Variants in CCDC148 observed in about 807,000 individuals in gnomAD.
CCDC148 encodes the protein coiled-coil domain-containing protein 148.
CCDC148 carries 89 observed loss-of-function variants against 85.7 expected under a neutral mutation model. The ratio of observed to expected loss-of-function variants is 1.04; its 90% CI spans 0.87 to 1.24. The LOEUF is 1.24. Ranked by LOEUF, CCDC148 falls within the 50% of genes most tolerant of loss-of-function variation. CCDC148 has a pLI of 0.00. For missense variants in CCDC148, 692 were observed against 671.7 expected (o/e 1.03, Z -0.33); for synonymous variants, 230 against 213.9 (o/e 1.08, Z -0.66).
chr2:158,353,879 C>G (rs1213876292), intron 2 of CCDC148, among the ~76,000 whole-genome samples: 2 of 152,288 alleles, frequency 1.3e-5, no homozygotes, highest in Non-Finnish European at 2.9e-5. Context: ...CAAACTATCT[C>G]TCAGACCACA....
In CCDC148 at chr2:158,282,827, C is replaced by T. The variant is rs906024291; in HGVS notation, c.1110+26606G>A. ...AAAGAGCCCACATCGCCAAGTCAAT[C>T]CTAAGCCAAAAGAACAAAGCTGGAG... On this transcript the variant is annotated intron_variant, in intron 9 of 13. Coordinates refer to ENST00000283233, the MANE Select transcript of CCDC148 (RefSeq NM_138803.4). Among the ~76,000 whole-genome samples, 9 of 152,312 alleles carry T rather than the reference C, an allele frequency of 5.9e-5. No individual in the cohort carries two copies. The South Asian group carries it at 1.7e-3, about 28-fold the overall frequency.
At chr2:158,251,216 A>G (rs1688780144) in intron 9 of CCDC148, among the ~76,000 whole-genome samples, 1 of 151,794 alleles carries the variant, frequency 6.6e-6, no homozygotes, top group Non-Finnish European at 1.5e-5. Context: ...GTAAGTAAAA[A>G]TTTCTGGTTT....
At chr2:158,337,985 T>G (rs1277026537) in intron 7 of CCDC148, among the ~76,000 whole-genome samples, 1 of 152,174 alleles carries the variant, frequency 6.6e-6, no homozygotes, top group African/African-American at 2.4e-5. Flanking sequence ...AGTTATCTTT[T>G]TAAATATACA....
intron 11 of CCDC148, among the ~76,000 whole-genome samples, chr2:158,181,872 G>GGGTT (rs564492919): frequency 3.2e-4 from 49 of 151,940 alleles, no homozygotes; most frequent in African/African-American, 8.7e-4. Context: ...TATGCAGGAT[G>GGGTT]GGTTGTTGGG....
intron 1 of CCDC148, among the ~76,000 whole-genome samples, chr2:158,379,892 T>C (rs1284037616): frequency 6.6e-6 from 1 of 152,142 alleles, no homozygotes; most frequent in Non-Finnish European, 1.5e-5. Context: ...TTTATTGCAA[T>C]ATTAGCTTTA....
At chr2:158,229,216 G>T (rs1687726899) in intron 10 of CCDC148, among the ~76,000 whole-genome samples, 1 of 152,074 alleles carries the variant, frequency 6.6e-6, no homozygotes, top group Admixed American at 6.6e-5. Flanking sequence ...TCTTGAATCA[G>T]CAATAGACTC....
At chr2:158,342,026 CTTTTT>C (rs1159799812) in intron 3 of CCDC148, among the ~76,000 whole-genome samples, 5 of 62,660 alleles carry the variant, frequency 8.0e-5, no homozygotes, top group East Asian at 5.0e-4. Flanking sequence ...ATTTTCTTTT[CTTTTT>C]TTTTTTTTTT....
At chr2:158,414,671 C>T (rs966118623) in intron 1 of CCDC148, among the ~76,000 whole-genome samples, 1 of 152,024 alleles carries the variant, frequency 6.6e-6, no homozygotes, top group Admixed American at 6.6e-5. Flanking sequence ...AGAAGGCAGA[C>T]ACTATTATGA....
At chr2:158,364,695 A>G (rs1415224093) in intron 1 of CCDC148, among the ~76,000 whole-genome samples, 1 of 152,218 alleles carries the variant, frequency 6.6e-6, no homozygotes, top group Non-Finnish European at 1.5e-5. Flanking sequence ...ATAAGACCTA[A>G]AACCGTAACA....
chr2:158,331,800 T>A (rs1241955640), intron 7 of CCDC148, among the ~76,000 whole-genome samples: 1 of 152,202 alleles, frequency 6.6e-6, no homozygotes, highest in Non-Finnish European at 1.5e-5. Context: ...TGGTTTAAAG[T>A]CTGTTTTATC....
chr2:158,361,105 C>A (rs971437002), intron 1 of CCDC148, among the ~76,000 whole-genome samples: 1 of 151,114 alleles, frequency 6.6e-6, no homozygotes, highest in Non-Finnish European at 1.5e-5. Flanking sequence ...TAAAATAAAG[C>A]GTGAAGACAA....
chr2:158,206,289 G>A (rs1686239980), intron 11 of CCDC148, among the ~76,000 whole-genome samples: 1 of 152,170 alleles, frequency 6.6e-6, no homozygotes. Flanking sequence ...TTAAACGAAT[G>A]TAGAATGGGC....
chr2:158,357,470 G>A (rs754755941), intron 2 of CCDC148, among the ~76,000 whole-genome samples: 2 of 152,026 alleles, frequency 1.3e-5, no homozygotes, highest in East Asian at 1.9e-4. Context: ...AATAAAATAT[G>A]TATTATGTTT....
intron 9 of CCDC148, among the ~76,000 whole-genome samples, chr2:158,269,429 C>A (rs1689606136): frequency 6.6e-6 from 1 of 152,164 alleles, no homozygotes; most frequent in Admixed American, 6.6e-5. Context: ...CTCACTTGTG[C>A]CATGTATCTC....
At chr2:158,431,496 A>G (rs1046726299) in intron 1 of CCDC148, among the ~76,000 whole-genome samples, 1 of 151,994 alleles carries the variant, frequency 6.6e-6, no homozygotes, top group African/African-American at 2.4e-5. Flanking sequence ...TTTAAAAAAA[A>G]AAAAACCTGT....
intron 9 of CCDC148, among the ~76,000 whole-genome samples, chr2:158,296,468 ATAT>A (rs1691193847): frequency 1.3e-5 from 2 of 152,202 alleles, no homozygotes. Flanking sequence ...TTTTTAACAG[ATAT>A]TTTAAGAATA....
At chr2:158,443,515 A>AAAAAAAAAAAGAAAAG (rs1553524474) in intron 1 of CCDC148, among the ~76,000 whole-genome samples, 115 of 100,882 alleles carry the variant, frequency 1.1e-3, no homozygotes, top group East Asian at 1.8e-3. Flanking sequence ...AAAAAAAAAA[A>AAAAAAAAAAAGAAAAG]AAAAAAAAGA....
chr2:158,273,033 T>C (rs1689769314), intron 9 of CCDC148, among the ~76,000 whole-genome samples: 1 of 152,176 alleles, frequency 6.6e-6, no homozygotes, highest in Non-Finnish European at 1.5e-5. Context: ...TTTCTTCTAA[T>C]ATGAGATGAT....
intron 11 of CCDC148, among the ~76,000 whole-genome samples, chr2:158,217,166 T>C (rs73966281): frequency 0.027 from 4,060 of 151,884 alleles, 168 homozygotes; most frequent in African/African-American, 0.088. Context: ...TTCTAATAGA[T>C]TGAGAAGGTA....
Sources: gnomAD v4.1 joint callset for allele counts (sites outside exome capture counted in the v4.1 genomes callset) on GRCh38, gnomAD v4.1.1 for gene constraint, MANE v1.5 for transcripts, NCBI Gene and HGNC (gene_info 2026-07-23, HGNC 2026-07-21) for gene names.